Variants in ZIM2 observed in about 807,000 individuals in gnomAD.
ZIM2 encodes the protein zinc finger imprinted 2.
Under a neutral mutation model 38.6 loss-of-function variants are expected in ZIM2, and 14 were observed. The observed-to-expected ratio is 0.36, with a 90% CI of 0.24 to 0.57. ZIM2 has a LOEUF of 0.57. Among genes scored for constraint, ZIM2 ranks in the 20% least tolerant of loss-of-function variants. ZIM2 has a pLI of 0.81. For synonymous variants in ZIM2, 247 were observed against 245.8 expected (o/e 1.00, Z -0.04); for missense variants, 680 against 695.1 (o/e 0.98, Z 0.24).
At chr19:56,830,866 G>A (rs1450267574) in intron 2 of ZIM2, among the ~76,000 whole-genome samples, 1 of 152,056 alleles carries the variant, frequency 6.6e-6, no homozygotes, top group Non-Finnish European at 1.5e-5. Flanking sequence ...GGTGGAGGGG[G>A]CAGTGGGCTA....
At chr19:56,810,608 T>C (rs1278118978) in intron 9 of ZIM2, 1 of 925,784 alleles carries the variant, frequency 1.1e-6, no homozygotes, top group African/African-American at 1.8e-5. Context: ...TAAAATTTAT[T>C]ACCAAAACAC....
intron 2 of ZIM2, among the ~76,000 whole-genome samples, chr19:56,834,566 C>T (rs555201663): frequency 1.0e-3 from 156 of 152,314 alleles, no homozygotes; most frequent in Non-Finnish European, 1.2e-3. Context: ...GGAACAGGAA[C>T]ATCCTATTTC....
intron 10 of ZIM2, among the ~76,000 whole-genome samples, chr19:56,783,803 T>G (rs1049010345): frequency 1.3e-5 from 2 of 152,138 alleles, no homozygotes; most frequent in African/African-American, 4.8e-5. Flanking sequence ...GTAACAAACC[T>G]GCACATGTGT....
intron 3 of ZIM2, among the ~76,000 whole-genome samples, chr19:56,825,897 G>A (rs923828520): frequency 1.3e-5 from 2 of 152,156 alleles, no homozygotes; most frequent in Non-Finnish European, 2.9e-5. Flanking sequence ...GCAAATCAAT[G>A]TGGTAATCAC....
intron 5 of ZIM2, among the ~76,000 whole-genome samples, chr19:56,823,386 G>A (rs2060691645): frequency 6.6e-6 from 1 of 152,158 alleles, no homozygotes; most frequent in East Asian, 1.9e-4. Flanking sequence ...GAATAAAACG[G>A]TATTAAGTAT....
At chr19:56,813,938 C>A in intron 9 of ZIM2, 1 of 1,614,160 alleles carries the variant, frequency 6.2e-7, no homozygotes, top group Non-Finnish European at 8.5e-7. Flanking sequence ...TAGTATGGTT[C>A]TTCTACCTGA....
chr19:56,785,015 C>G (rs971046478), intron 10 of ZIM2, among the ~76,000 whole-genome samples: 2 of 151,952 alleles, frequency 1.3e-5, no homozygotes, highest in Admixed American at 1.3e-4. Flanking sequence ...ATTTGGCTCA[C>G]GTGGTCCTAT....
At position 56,811,319 on chromosome 19, in the gene ZIM2, T is replaced by G. The variant is rs943961653; in HGVS notation, c.490+6427A>C. The G allele has an allele frequency of 6.6e-6, 6 of 906,684 alleles. No homozygotes were observed. The Admixed American group carries it at 2.5e-4, about 37-fold the overall frequency. 56.2% of individuals were successfully genotyped at this position (906,684 alleles called of 1,614,324 possible). On this transcript the variant is annotated intron_variant, in intron 9 of 12. Transcript: ENST00000629319. ...TTTTAAACAGTTATAATGAACTGTTTAAATGAACTGTTAAATGAACAGCAT... is the reference window on the plus strand; with the variant it reads ...TTTTAAACAGTTATAATGAACTGTTGAAATGAACTGTTAAATGAACAGCAT...
At chr19:56,839,203 G>A (rs1019814324) in intron 1 of ZIM2, among the ~76,000 whole-genome samples, 1 of 152,062 alleles carries the variant, frequency 6.6e-6, no homozygotes, top group African/African-American at 2.4e-5. Flanking sequence ...GCCTTGCCCC[G>A]CCCCATCTGC....
At position 56,803,506 on chromosome 19, in the gene ZIM2, TAG is replaced by T. The variant is rs1319173618; in HGVS notation, c.491-13557_491-13556del. On this transcript the variant is annotated intron_variant, in intron 9 of 12. Coordinates refer to ENST00000629319, the MANE Select transcript of ZIM2 (RefSeq NM_001387356.1). Reference sequence around the variant, plus strand: ...GAGCTTGTTGCTCTAACCCAGGCGTTAGAGTTTGGGGAAGGGAAAGTCCTCAC... The same window carrying T: ...GAGCTTGTTGCTCTAACCCAGGCGTTAGTTTGGGGAAGGGAAAGTCCTCAC... Among the ~76,000 whole-genome samples the T allele has an allele frequency of 5.9e-5, 9 of 152,186 alleles. No individual in the cohort carries two copies. In the East Asian group the frequency reaches 1.7e-3, roughly 29 times the overall value.
chr19:56,812,440 T>C, intron 9 of ZIM2: 1 of 984,434 alleles, frequency 1.0e-6, no homozygotes, highest in Non-Finnish European at 1.2e-6. Context: ...TTAATGCAAG[T>C]TAGACATGGA....
intron 12 of ZIM2, among the ~76,000 whole-genome samples, chr19:56,778,742 T>G (rs2046158258): frequency 1.3e-5 from 2 of 152,130 alleles, no homozygotes; most frequent in Admixed American, 1.3e-4. Context: ...GTGGGTTTTC[T>G]GTTAACTACA....
In ZIM2 at chr19:56,775,352, TGGG is replaced by T; in HGVS notation, c.1010_1012del (p.Pro337del). 1 of 1,614,192 alleles carries T rather than the reference TGGG, an allele frequency of 6.2e-7. No individual in the cohort carries two copies. On this transcript the variant is annotated inframe_deletion, in exon 13 of 13. Coordinates refer to ENST00000629319, the MANE Select transcript of ZIM2 (RefSeq NM_001387356.1). ...ACATATTCCAGGAGCAGTGCCTTCC[TGGG>T]GATCCTTTCCTAGAGGATCCTTTGA...
At chr19:56,797,573 T>A (rs550750718) in intron 9 of ZIM2, among the ~76,000 whole-genome samples, 1 of 152,256 alleles carries the variant, frequency 6.6e-6, no homozygotes, top group African/African-American at 2.4e-5. Context: ...ACATGTCAAT[T>A]TCCATGCACT....
At chr19:56,815,942 C>G in intron 9 of ZIM2, 12 of 1,602,554 alleles carry the variant, frequency 7.5e-6, no homozygotes, top group Non-Finnish European at 1.0e-5. Context: ...CTATGGATAA[C>G]AGACCTACTG....
Position 56,821,727 on chromosome 19 carries a change from G to T in ZIM2, c.218C>A (p.Pro73His). Residue 73 changes from proline to histidine, a missense_variant, in exon 7 of 13, where the codon CCT becomes CAT. Pro to His is a moderately conservative substitution (Grantham distance 77). Transcript: ENST00000629319. The stretch of plus-strand genomic sequence containing the variant: ...TTCAAAGCTTGTTTTCGCCACCACA[G>T]GAAGGGAAAGATCCCGCGGAGGCAT... ...SRMPPRDLSL[P>H]VVAKTSFEMD... 1 of 1,614,066 alleles carries T rather than the reference G, an allele frequency of 6.2e-7. No homozygotes were observed. The highest frequency in any genetic ancestry group is 1.1e-5 in the South Asian group (1 of 91,082).
At chr19:56,781,488 C>T (rs1263145229) in intron 11 of ZIM2, among the ~76,000 whole-genome samples, 1 of 152,160 alleles carries the variant, frequency 6.6e-6, no homozygotes, top group Non-Finnish European at 1.5e-5. Context: ...ATTCAGTAAA[C>T]ATCATTTTGA....
At chr19:56,822,712 C>T (rs200202588) in intron 6 of ZIM2, 41 bp downstream of exon 6, 1 of 1,609,332 alleles carries the variant, frequency 6.2e-7, no homozygotes, top group East Asian at 2.2e-5. Context: ...ACAGCACATG[C>T]TCTATATCTC....
At chr19:56,782,368 G>A in intron 10 of ZIM2, 1 of 500,458 alleles carries the variant, frequency 2.0e-6, no homozygotes, top group Non-Finnish European at 3.7e-6. Flanking sequence ...CAGAATGCAA[G>A]CATGCAAATA....
Sources: allele counts gnomAD v4.1 joint callset (sites outside exome capture counted in the v4.1 genomes callset), GRCh38; gene constraint gnomAD v4.1.1; transcripts MANE v1.5; gene names NCBI Gene and HGNC (gene_info 2026-07-23, HGNC 2026-07-21).